CRTC1: variants seen among roughly 807,000 people sequenced by gnomAD.
CRTC1 encodes CREB regulated transcription coactivator 1, also known as CREB-regulated transcription coactivator 1.
A neutral mutation model predicts 66.1 loss-of-function variants in CRTC1; 18 were observed. The observed-to-expected ratio is 0.27, with a 90% CI of 0.19 to 0.40. The LOEUF (loss-of-function observed/expected upper bound fraction) is 0.40, where lower values mean the gene tolerates loss of function less well. Ranked by LOEUF, CRTC1 falls within the 10% of genes least tolerant of loss-of-function variation. The pLI is 1.00. For synonymous variants in CRTC1, 416 were observed against 398.8 expected (o/e 1.04, Z -0.51); for missense variants, 669 against 887.9 (o/e 0.75, Z 3.13).
At chr19:18,755,593 C>CTTTTT (rs58121199) in intron 6 of CRTC1, among the ~76,000 whole-genome samples, 12 of 107,496 alleles carry the variant, frequency 1.1e-4, no homozygotes, top group Non-Finnish European at 1.5e-4. Context: ...CCAAACCTGG[C>CTTTTT]TTTTTTTTTT....
At chr19:18,757,020 GGGCACCCCA>G (rs2054504216) in intron 6 of CRTC1, among the ~76,000 whole-genome samples, 1 of 152,190 alleles carries the variant, frequency 6.6e-6, no homozygotes, top group South Asian at 2.1e-4. Context: ...GCCACCCCTC[GGGCACCCCA>G]GTGGCTGCGG....
chr19:18,746,684 G>A (rs1054536286), intron 3 of CRTC1, among the ~76,000 whole-genome samples: 4 of 152,238 alleles, frequency 2.6e-5, no homozygotes, highest in Non-Finnish European at 5.9e-5. Context: ...GAGCCACCCC[G>A]TCAGCCCAGG....
At position 18,774,920 on chromosome 19, in the gene CRTC1, C is replaced by A; in HGVS notation, c.1446C>A (p.Ser482Arg). The stretch of plus-strand genomic sequence containing the variant: ...TGCAGCACACTTCCACCCTGGGCAG[C>A]GTGTTTGGGGACGCGTACTATGAGC... The part of the protein sequence containing the change: ...SSPQHTSTLG[S>R]VFGDAYYEQQ... The change falls in exon 12 of 14, where the codon AGC becomes AGA. Residue 482 changes from serine to arginine, a missense_variant. This residue lies in a region of CRTC1 where 79 missense variants were observed against 100.1 expected (regional missense o/e 0.79). Transcript: ENST00000321949. 6.2e-7 allele frequency: 1 copy of A among 1,610,884 alleles called. No individual in the cohort carries two copies. Among genetic ancestry groups the A allele is most frequent in the Non-Finnish European group, 8.5e-7 (1 of 1,179,976 alleles).
intron 1 of CRTC1, among the ~76,000 whole-genome samples, chr19:18,736,469 G>A (rs879509734): frequency 6.6e-6 from 1 of 152,056 alleles, no homozygotes; most frequent in Non-Finnish European, 1.5e-5. Context: ...GGCAGTCTCT[G>A]TGCTTTCTTG....
intron 8 of CRTC1, among the ~76,000 whole-genome samples, chr19:18,762,660 G>A (rs1431735560): frequency 1.3e-5 from 2 of 152,120 alleles, no homozygotes; most frequent in South Asian, 2.1e-4. Flanking sequence ...CACCTGGCCC[G>A]CCCTCCCCTG....
At chr19:18,692,415 A>G (rs777752407) in intron 1 of CRTC1, among the ~76,000 whole-genome samples, 23 of 152,208 alleles carry the variant, frequency 1.5e-4, no homozygotes, top group Admixed American at 1.5e-3. Flanking sequence ...ACCGTCATCA[A>G]TATGATGAAA....
chr19:18,708,435 C>T lies in CRTC1; in HGVS notation c.126+24607C>T, dbSNP rs549905694. Among the ~76,000 whole-genome samples, 48 of 152,226 alleles carry T rather than the reference C, an allele frequency of 3.2e-4. No individual in the cohort carries two copies. In the South Asian group the frequency reaches 9.5e-3, roughly 30 times the overall value. ...GCCCGAGAGAGGAACGGGGCCACCC[C>T]GGGTTTCTGGCTTCTGTATCAGCAT... On this transcript the variant is annotated intron_variant, in intron 1 of 13. Coordinates refer to ENST00000321949, the MANE Select transcript of CRTC1 (RefSeq NM_015321.3).
chr19:18,714,927 G>A lies in CRTC1; in HGVS notation c.127-27983G>A, dbSNP rs78919844. Reference sequence around the variant, plus strand: ...CTGCAGTTCCCAGCCTGGGCTTCGGGAAGGATTTCCGTGCCTGTTCAGGGA... The same window carrying A: ...CTGCAGTTCCCAGCCTGGGCTTCGGAAAGGATTTCCGTGCCTGTTCAGGGA... On this transcript the variant is annotated intron_variant, in intron 1 of 13. Coordinates refer to ENST00000321949, the MANE Select transcript of CRTC1 (RefSeq NM_015321.3). Among the ~76,000 whole-genome samples the A allele has an allele frequency of 7.2e-4, 109 of 152,352 alleles. No individual in the cohort carries two copies. The South Asian group carries it at 0.014, about 20-fold the overall frequency.
chr19:18,717,771 C>T (rs1034471916), intron 1 of CRTC1, among the ~76,000 whole-genome samples: 1 of 152,180 alleles, frequency 6.6e-6, no homozygotes, highest in Non-Finnish European at 1.5e-5. Flanking sequence ...GAGGGCCTCT[C>T]GCAGGACGGT....
At chr19:18,696,390 G>A (rs1053978545) in intron 1 of CRTC1, among the ~76,000 whole-genome samples, 1 of 152,212 alleles carries the variant, frequency 6.6e-6, no homozygotes. Flanking sequence ...GGCAATGTGA[G>A]TGACAGTGGG....
rs2054781030 is a variant in CRTC1 at position 18,768,335 on chromosome 19, C to T, written c.1012-150C>T. 1 of 657,312 alleles carries T rather than the reference C, an allele frequency of 1.5e-6. No individual in the cohort carries two copies. 40.7% of individuals were successfully genotyped at this position (657,312 alleles called of 1,614,324 possible). ...GGCCCACCCTCTCTAGCCTGGGCTC[C>T]CTCATCGTGAGGAGCACCCAGCCCA... On this transcript the variant is annotated intron_variant, in intron 9 of 13. Transcript: ENST00000321949. This position sits in a 1 kb window ranked among gnomAD's most constrained non-coding sequence, Gnocchi z 5.6.
intron 2 of CRTC1, among the ~76,000 whole-genome samples, chr19:18,744,477 TACAC>T (rs556964323): frequency 1.3e-5 from 2 of 148,294 alleles, no homozygotes; most frequent in African/African-American, 5.1e-5. Flanking sequence ...CGTCCCTATA[TACAC>T]ACACACACAA....
chr19:18,752,479 C>T (rs1477810272), intron 5 of CRTC1, among the ~76,000 whole-genome samples: 4 of 152,108 alleles, frequency 2.6e-5, no homozygotes, highest in East Asian at 3.9e-4. Flanking sequence ...CCACCACACC[C>T]GGCCAACTTT....
intron 4 of CRTC1, among the ~76,000 whole-genome samples, 181 bp from the exon 5 acceptor site, chr19:18,749,600 C>T (rs1035391216): frequency 6.6e-6 from 1 of 152,210 alleles, no homozygotes; most frequent in African/African-American, 2.4e-5. Context: ...AGATGAACAC[C>T]GCAGTCACTC....
At position 18,770,867 on chromosome 19, in the gene CRTC1, C is replaced by T. The variant is rs115157832; in HGVS notation, c.1321-575C>T. ...GTGCATGTGGGTGTGGGTGTGCATGCGTGGGTGTGTACATTTGTGTGCATG... is the reference window on the plus strand; with the variant it reads ...GTGCATGTGGGTGTGGGTGTGCATGTGTGGGTGTGTACATTTGTGTGCATG... On this transcript the variant is annotated intron_variant, in intron 10 of 13. Coordinates refer to ENST00000321949, the MANE Select transcript of CRTC1 (RefSeq NM_015321.3). 4.2e-3 allele frequency among the ~76,000 whole-genome samples: 601 copies of T among 144,674 alleles called. 9 individuals carry two copies. Among genetic ancestry groups the T allele is most frequent in the African/African-American group, 0.015 (567 of 38,700 alleles). The allele number at this position is 144,674 out of a possible 152,430, so 94.9% of individuals were successfully genotyped here.
At chr19:18,773,405 G>T (rs554737931) in intron 11 of CRTC1, among the ~76,000 whole-genome samples, 95 of 152,270 alleles carry the variant, frequency 6.2e-4, no homozygotes, top group African/African-American at 2.1e-3. Context: ...CACCTTTCTG[G>T]CAAGCCCTCA....
chr19:18,738,792 C>T (rs1157168847), intron 1 of CRTC1, among the ~76,000 whole-genome samples: 1 of 151,878 alleles, frequency 6.6e-6, no homozygotes, highest in Non-Finnish European at 1.5e-5. Flanking sequence ...AAGAGGGAGA[C>T]TCCGTCTCAA....
At chr19:18,770,639 G>A (rs945694543) in intron 10 of CRTC1, among the ~76,000 whole-genome samples, 4 of 152,142 alleles carry the variant, frequency 2.6e-5, no homozygotes, top group East Asian at 1.9e-4. Context: ...CTGCATGGGT[G>A]TGCATGCATG....
chr19:18,687,515 C>T (rs2052713001), intron 1 of CRTC1, among the ~76,000 whole-genome samples: 1 of 152,194 alleles, frequency 6.6e-6, no homozygotes, highest in Non-Finnish European at 1.5e-5. Flanking sequence ...GGCATGTCCG[C>T]CGTGCCTGGA....
Sources: allele counts gnomAD v4.1 joint callset (sites outside exome capture counted in the v4.1 genomes callset), GRCh38; gene constraint gnomAD v4.1.1; regional missense constraint gnomAD v4.1.1; non-coding constraint Gnocchi (gnomAD v3.1); transcripts MANE v1.5; gene names NCBI Gene and HGNC (gene_info 2026-07-23, HGNC 2026-07-21).